Variants in ANXA13 observed in about 807,000 individuals in gnomAD.
The protein encoded by ANXA13 is annexin XIII.
Under a neutral mutation model 46.6 loss-of-function variants are expected in ANXA13, and 36 were observed. That is an observed-to-expected ratio of 0.77 (90% confidence interval 0.59 to 1.02). The LOEUF is 1.02. ANXA13 is among the 50% of genes least tolerant of loss of function. The pLI, the probability that ANXA13 is intolerant of heterozygous loss-of-function variation, is 0.00. For missense variants in ANXA13, 417 were observed against 396.5 expected (o/e 1.05, Z -0.44); for synonymous variants, 163 against 152.9 (o/e 1.07, Z -0.49).
Position 123,737,371 on chromosome 8 carries a change from A to T in ANXA13, c.-37T>A, listed in dbSNP as rs754993536. On this transcript the variant is annotated 5_prime_UTR_variant, in exon 1 of 11. Transcript: ENST00000419625. ...TGAGATGGTTTTTCTGTATTTCATC[A>T]AGAGATCAGTCCTCCTACAGGCAAA... 6.3e-7 allele frequency: 1 copy of T among 1,585,142 alleles called. No individual in the cohort carries two copies. The highest frequency in any genetic ancestry group is 8.6e-7 in the Non-Finnish European group (1 of 1,156,090).
Position 123,730,896 on chromosome 8 carries a change from G to T in ANXA13, c.15+6424C>A, listed in dbSNP as rs1814104825. On this transcript the variant is annotated intron_variant, in intron 1 of 10. Coordinates refer to ENST00000419625, the MANE Select transcript of ANXA13 (RefSeq NM_004306.4). ...ATGAGCAGAATGGGGGAGTTCTCCG[G>T]GCTGCATTCCGGGTGAGAAGCCTGA... is the stretch of plus-strand genomic sequence containing the variant. Among the ~76,000 whole-genome samples the T allele has an allele frequency of 5.3e-5, 8 of 152,100 alleles. No homozygotes were observed. In the South Asian group the frequency reaches 1.7e-3, roughly 32 times the overall value.
chr8:123,706,359 A>T (rs1813539984), intron 2 of ANXA13, among the ~76,000 whole-genome samples: 1 of 152,234 alleles, frequency 6.6e-6, no homozygotes, highest in Non-Finnish European at 1.5e-5. Flanking sequence ...GTCCCAGACG[A>T]GGGCCTTGGC....
At chr8:123,737,108 A>G (rs1044191157) in intron 1 of ANXA13, among the ~76,000 whole-genome samples, 2 of 149,942 alleles carry the variant, frequency 1.3e-5, no homozygotes, top group Non-Finnish European at 3.0e-5. Flanking sequence ...TAATCCGCCC[A>G]CTCTGGCCTT....
At chr8:123,719,415 AC>A (rs1242188533) in intron 1 of ANXA13, among the ~76,000 whole-genome samples, 4 of 152,104 alleles carry the variant, frequency 2.6e-5, no homozygotes, top group Non-Finnish European at 5.9e-5. Context: ...GTTAAGCACT[AC>A]CCCAGTTGAA....
chr8:123,707,451 C>G lies in ANXA13; in HGVS notation c.92-4715G>C, dbSNP rs569109580. Among the ~76,000 whole-genome samples, 14 of 152,190 alleles carry G rather than the reference C, an allele frequency of 9.2e-5. No individual in the cohort carries two copies. In the East Asian group the frequency reaches 2.7e-3, roughly 29 times the overall value. ...AAAAAAAAAGAGACCAACCCAAATG[C>G]CCATCAATGATAGACTGGATAAAGA... is the stretch of plus-strand genomic sequence containing the variant. On this transcript the variant is annotated intron_variant, in intron 2 of 10. Transcript: ENST00000419625.
chr8:123,719,543 G>T (rs1040157313), intron 1 of ANXA13, among the ~76,000 whole-genome samples: 3 of 152,174 alleles, frequency 2.0e-5, no homozygotes, highest in Non-Finnish European at 4.4e-5. Context: ...TAGCTGAGAG[G>T]AGAAAGGAAT....
rs752083851 is a variant in ANXA13 at position 123,681,270 on chromosome 8, G to A, written c.921C>T (p.Phe307=). 5 of 1,614,036 alleles carry A rather than the reference G, an allele frequency of 3.1e-6. No homozygotes were observed. Among genetic ancestry groups the A allele is most frequent in the Non-Finnish European group, 4.2e-6 (5 of 1,179,948 alleles). ...GCAAGAGGGCTACTAGCAGTTTCCG[G>A]AAGTCCCCGGAGGTATCTGAGCGAA... ...DMVRSDTSGD[F]RKLLVALLH The change falls in exon 11 of 11, where the codon TTC becomes TTT. Residue 307 remains phenylalanine, a synonymous_variant. Coordinates refer to ENST00000419625, the MANE Select transcript of ANXA13 (RefSeq NM_004306.4).
chr8:123,713,550 A>G (rs1457299763), intron 1 of ANXA13, among the ~76,000 whole-genome samples: 3 of 152,256 alleles, frequency 2.0e-5, no homozygotes, highest in African/African-American at 7.2e-5. Context: ...GAAGGTAACC[A>G]TAAATATAAA....
chr8:123,732,394 A>G (rs1814135271), intron 1 of ANXA13, among the ~76,000 whole-genome samples: 1 of 152,198 alleles, frequency 6.6e-6, no homozygotes, highest in African/African-American at 2.4e-5. Context: ...TATAAATGTC[A>G]GTTATTATCA....
At chr8:123,695,171 T>G (rs1311115859) in intron 6 of ANXA13, among the ~76,000 whole-genome samples, 4 of 152,112 alleles carry the variant, frequency 2.6e-5, no homozygotes, top group South Asian at 2.1e-4. Context: ...TGTCTCTTAC[T>G]GGCTGCATGA....
At chr8:123,726,665 A>G (rs1267654053) in intron 1 of ANXA13, among the ~76,000 whole-genome samples, 1 of 152,230 alleles carries the variant, frequency 6.6e-6, no homozygotes, top group Admixed American at 6.5e-5. Context: ...TCACTCTGGT[A>G]TAAGAACTAC....
intron 2 of ANXA13, among the ~76,000 whole-genome samples, chr8:123,711,391 C>G (rs10089910): frequency 1.3e-5 from 2 of 152,222 alleles, no homozygotes; most frequent in African/African-American, 4.8e-5. Flanking sequence ...GGGACTAGAC[C>G]TTGTGTCATG....
intron 1 of ANXA13, among the ~76,000 whole-genome samples, chr8:123,736,425 T>G (rs1386494302): frequency 2.6e-5 from 4 of 152,244 alleles, no homozygotes; most frequent in Non-Finnish European, 5.9e-5. Context: ...GGTAGTGTTT[T>G]AGTCAGTTTT....
chr8:123,693,383 G>T, intron 7 of ANXA13, 85 bp from the exon 8 acceptor site: 1 of 1,212,842 alleles, frequency 8.2e-7, no homozygotes, highest in Non-Finnish European at 1.2e-6. Flanking sequence ...TCACTGACAG[G>T]AAATTATAAA....
intron 1 of ANXA13, among the ~76,000 whole-genome samples, chr8:123,715,766 G>C (rs1813748602): frequency 6.6e-6 from 1 of 152,212 alleles, no homozygotes; most frequent in African/African-American, 2.4e-5. Context: ...ACTTGTCTAA[G>C]ATCACCTGGC....
At chr8:123,736,913 A>C (rs980936810) in intron 1 of ANXA13, among the ~76,000 whole-genome samples, 1 of 145,532 alleles carries the variant, frequency 6.9e-6, no homozygotes, top group Non-Finnish European at 1.5e-5. Context: ...CAGTGGTGCA[A>C]TCTCGGCTTA....
At chr8:123,713,203 T>C (rs1018189475) in intron 1 of ANXA13, among the ~76,000 whole-genome samples, 1 of 152,218 alleles carries the variant, frequency 6.6e-6, no homozygotes, top group African/African-American at 2.4e-5. Context: ...GACTTGGATC[T>C]TTGCCATCCA....
chr8:123,733,268 T>C (rs916095806), intron 1 of ANXA13, among the ~76,000 whole-genome samples: 1 of 152,212 alleles, frequency 6.6e-6, no homozygotes, highest in African/African-American at 2.4e-5. Flanking sequence ...TGATCTAGAC[T>C]GCTTTCTGCT....
chr8:123,693,389 A>G (rs1380766205), intron 7 of ANXA13, 91 bp from the exon 8 acceptor site: 1 of 1,142,048 alleles, frequency 8.8e-7, no homozygotes. Flanking sequence ...ACAGGAAATT[A>G]TAAACTATGC....
Sources: allele counts gnomAD v4.1 joint callset (sites outside exome capture counted in the v4.1 genomes callset), GRCh38; gene constraint gnomAD v4.1.1; transcripts MANE v1.5; gene names NCBI Gene and HGNC (gene_info 2026-07-23, HGNC 2026-07-21).